VSNL1: variants seen among roughly 807,000 people sequenced by gnomAD.
VSNL1 encodes the protein visinin-like protein 1.
Under a neutral mutation model 20.4 loss-of-function variants are expected in VSNL1, and 6 were observed. That is an observed-to-expected ratio of 0.29 (90% CI 0.16 to 0.58). The LOEUF (loss-of-function observed/expected upper bound fraction) is 0.58. Among genes scored for constraint, VSNL1 ranks in the 20% least tolerant of loss-of-function variants. The pLI is 0.90. For synonymous variants in VSNL1, 93 were observed against 86.4 expected (o/e 1.08, Z -0.42); for missense variants, 100 against 234.5 (o/e 0.43, Z 3.75).
chr2:17,579,559 C>A (rs375481153), intron 1 of VSNL1, among the ~76,000 whole-genome samples: 3 of 152,190 alleles, frequency 2.0e-5, no homozygotes, highest in Non-Finnish European at 2.9e-5. Flanking sequence ...CTGGCAAATT[C>A]GTTGAGGCAG....
Position 17,649,747 on chromosome 2 carries a change from G to A in VSNL1, c.378+122G>A, listed in dbSNP as rs762770785. ...TCGAGCCCTGCCAGCTGCACACCAC[G>A]CCTGGACTTCTCCTGCTTCTGTCCC... is the stretch of plus-strand genomic sequence containing the variant. On this transcript the variant is annotated intron_variant, in intron 3 of 3. Coordinates refer to ENST00000295156, the MANE Select transcript of VSNL1 (RefSeq NM_003385.5). The surrounding 1 kb of genome is among the most constrained non-coding windows in gnomAD (Gnocchi z 6.4). 34 of 912,888 alleles carry A rather than the reference G, an allele frequency of 3.7e-5. No homozygotes were observed. Among genetic ancestry groups the A allele is most frequent in the African/African-American group, 2.6e-4 (16 of 60,486 alleles). The allele number at this position is 912,888 out of a possible 1,614,324, so 56.5% of individuals were successfully genotyped here.
At chr2:17,632,150 T>A (rs1233681323) in intron 2 of VSNL1, among the ~76,000 whole-genome samples, 2 of 152,194 alleles carry the variant, frequency 1.3e-5, no homozygotes, top group Non-Finnish European at 2.9e-5. Context: ...ATTACAGGCG[T>A]GAGCCACCAC....
intron 1 of VSNL1, among the ~76,000 whole-genome samples, chr2:17,556,092 C>T (rs1423851538): frequency 6.6e-6 from 1 of 152,164 alleles, no homozygotes; most frequent in East Asian, 1.9e-4. Context: ...CCAATACGAA[C>T]ACATCTATGG....
At position 17,593,995 on chromosome 2, in the gene VSNL1, G is replaced by C. The variant is rs146959452; in HGVS notation, c.162+1759G>C. Among the ~76,000 whole-genome samples the C allele has an allele frequency of 9.1e-4, 138 of 152,338 alleles. 3 individuals carry two copies. In the South Asian group the frequency reaches 0.027, roughly 30 times the overall value. On this transcript the variant is annotated intron_variant, in intron 2 of 3. Coordinates refer to ENST00000295156, the MANE Select transcript of VSNL1 (RefSeq NM_003385.5). Reference sequence around the variant, plus strand: ...GCAAGCTGTCACCCTATGATTAAGAGAGCACCGTGTGCCACGTTCCTCACT... The same window carrying C: ...GCAAGCTGTCACCCTATGATTAAGACAGCACCGTGTGCCACGTTCCTCACT...
At chr2:17,586,374 G>A (rs1272497139) in intron 1 of VSNL1, among the ~76,000 whole-genome samples, 4 of 152,214 alleles carry the variant, frequency 2.6e-5, no homozygotes, top group African/African-American at 4.8e-5. Flanking sequence ...GTATTTTTAA[G>A]GAAGAACCAA....
chr2:17,638,919 G>A (rs924662073), intron 2 of VSNL1, among the ~76,000 whole-genome samples: 1 of 152,242 alleles, frequency 6.6e-6, no homozygotes, highest in African/African-American at 2.4e-5. Flanking sequence ...ATGCTCTGCA[G>A]TGAGGATAAG....
intron 1 of VSNL1, among the ~76,000 whole-genome samples, chr2:17,566,740 C>T (rs746011483): frequency 6.6e-6 from 1 of 152,120 alleles, no homozygotes; most frequent in African/African-American, 2.4e-5. Flanking sequence ...AACCTCTTAC[C>T]ATGATTTAAA....
chr2:17,568,502 G>A (rs1664008358), intron 1 of VSNL1, among the ~76,000 whole-genome samples: 1 of 152,092 alleles, frequency 6.6e-6, no homozygotes, highest in African/African-American at 2.4e-5. Flanking sequence ...CAAATTTTAA[G>A]GTCAGTCAGT....
intron 2 of VSNL1, among the ~76,000 whole-genome samples, chr2:17,618,664 G>A (rs751143420): frequency 1.4e-4 from 21 of 152,160 alleles, no homozygotes; most frequent in Non-Finnish European, 2.9e-4. Flanking sequence ...AACCATTATT[G>A]TAAGAGTAAT....
At chr2:17,578,804 C>G (rs1664279675) in intron 1 of VSNL1, among the ~76,000 whole-genome samples, 1 of 152,242 alleles carries the variant, frequency 6.6e-6, no homozygotes, top group South Asian at 2.1e-4. Flanking sequence ...CACAAAGGCC[C>G]AGCAAGGACA....
At chr2:17,545,861 C>T (rs1663394281) in intron 1 of VSNL1, 1 of 152,082 alleles carries the variant, frequency 6.6e-6, no homozygotes, top group Non-Finnish European at 1.5e-5. Flanking sequence ...TTAAAGTATG[C>T]AGATTGGGTA....
chr2:17,579,097 C>CTTCT (rs1230081117), intron 1 of VSNL1, among the ~76,000 whole-genome samples: 6 of 152,042 alleles, frequency 3.9e-5, no homozygotes, highest in Non-Finnish European at 5.9e-5. Flanking sequence ...ACAAAGCCCC[C>CTTCT]TTCTTTCTTT....
At chr2:17,554,494 T>C (rs572928914) in intron 1 of VSNL1, among the ~76,000 whole-genome samples, 1 of 152,194 alleles carries the variant, frequency 6.6e-6, no homozygotes, top group Non-Finnish European at 1.5e-5. Context: ...AGTACAGAAC[T>C]CTTTTTTTTA....
chr2:17,610,988 G>A lies in VSNL1; in HGVS notation c.162+18752G>A, dbSNP rs572513202. Among the ~76,000 whole-genome samples the A allele has an allele frequency of 5.3e-5, 8 of 152,316 alleles. No individual in the cohort carries two copies. The East Asian group carries it at 1.5e-3, about 29-fold the overall frequency. On this transcript the variant is annotated intron_variant, in intron 2 of 3. Coordinates refer to ENST00000295156, the MANE Select transcript of VSNL1 (RefSeq NM_003385.5). ...AAAATAAAGGAAAGGGAAAAAGAAG[G>A]GAGCTAATGTTTATTGAGACCCTAC...
intron 2 of VSNL1, among the ~76,000 whole-genome samples, chr2:17,617,068 T>G (rs559090609): frequency 1.3e-5 from 2 of 152,316 alleles, no homozygotes; most frequent in African/African-American, 4.8e-5. Context: ...TTCCTTAGTC[T>G]AAATTTATGA....
At chr2:17,546,366 C>T (rs1663405694) in intron 1 of VSNL1, among the ~76,000 whole-genome samples, 2 of 151,642 alleles carry the variant, frequency 1.3e-5, no homozygotes, top group South Asian at 2.1e-4. Context: ...TTCTTAGGCT[C>T]TGAAAGACTA....
chr2:17,645,506 G>A (rs1665972596), intron 2 of VSNL1, among the ~76,000 whole-genome samples: 1 of 152,246 alleles, frequency 6.6e-6, no homozygotes, highest in Non-Finnish European at 1.5e-5. Flanking sequence ...ATGTGTCACT[G>A]GAGAGAGGCA....
chr2:17,555,907 C>G (rs1318659995), intron 1 of VSNL1, among the ~76,000 whole-genome samples: 2 of 152,096 alleles, frequency 1.3e-5, no homozygotes, highest in Non-Finnish European at 2.9e-5. Context: ...AATTTAGCCC[C>G]AGAGACATAA....
intron 2 of VSNL1, among the ~76,000 whole-genome samples, chr2:17,604,903 G>C (rs1318730479): frequency 6.6e-6 from 1 of 152,122 alleles, no homozygotes; most frequent in African/African-American, 2.4e-5. Context: ...ATCATTTTGG[G>C]CTTGGTTCTC....
Sources: gnomAD v4.1 joint callset for allele counts (sites outside exome capture counted in the v4.1 genomes callset) on GRCh38, gnomAD v4.1.1 for gene constraint, Gnocchi (gnomAD v3.1) non-coding constraint, MANE v1.5 for transcripts, NCBI Gene and HGNC (gene_info 2026-07-23, HGNC 2026-07-21) for gene names.